KCNH1: variants seen among roughly 807,000 people sequenced by gnomAD.
KCNH1 encodes the protein potassium voltage-gated channel subfamily H member 1.
A neutral mutation model predicts 69.2 loss-of-function variants in KCNH1; 27 were observed. The ratio of observed to expected loss-of-function variants is 0.39; its 90% confidence interval spans 0.29 to 0.54. The LOEUF (loss-of-function observed/expected upper bound fraction) is 0.54, where lower values mean the gene tolerates loss of function less well. KCNH1 is among the 20% of genes least tolerant of loss of function. The pLI is 0.68. For synonymous variants in KCNH1, 456 were observed against 487.7 expected (o/e 0.93, Z 0.86); for missense variants, 798 against 1,261.6 (o/e 0.63, Z 5.57).
intron 5 of KCNH1, among the ~76,000 whole-genome samples, chr1:211,019,941 G>A (rs973710353): frequency 6.6e-6 from 1 of 152,086 alleles, no homozygotes; most frequent in African/African-American, 2.4e-5. Flanking sequence ...ATTTTAAAAT[G>A]TCTTGAAACA....
At chr1:211,014,806 TC>T (rs979910808) in intron 6 of KCNH1, among the ~76,000 whole-genome samples, 11 of 152,012 alleles carry the variant, frequency 7.2e-5, no homozygotes, top group African/African-American at 2.7e-4. Flanking sequence ...CTCTGCACAC[TC>T]CCCCAGAGAA....
intron 7 of KCNH1, among the ~76,000 whole-genome samples, chr1:210,851,856 C>T (rs12069980): frequency 0.099 from 15,134 of 152,180 alleles, 826 homozygotes; most frequent in East Asian, 0.19. Context: ...CCATCCTTTA[C>T]GCGGTTTGTT....
At chr1:210,780,064 G>T (rs991267225) in intron 9 of KCNH1, among the ~76,000 whole-genome samples, 17 of 152,184 alleles carry the variant, frequency 1.1e-4, no homozygotes, top group Non-Finnish European at 2.1e-4. Context: ...AAGGTGGGTG[G>T]GTAGGGTGAA....
intron 6 of KCNH1, among the ~76,000 whole-genome samples, chr1:211,000,014 A>T (rs1689141051): frequency 6.6e-6 from 1 of 152,228 alleles, no homozygotes; most frequent in Admixed American, 6.5e-5. Context: ...GATGTATCTC[A>T]AAATAATAAG....
intron 10 of KCNH1, among the ~76,000 whole-genome samples, chr1:210,708,017 TATA>T (rs1164280251): frequency 6.6e-6 from 1 of 152,144 alleles, no homozygotes; most frequent in Non-Finnish European, 1.5e-5. Context: ...CAAACACAGG[TATA>T]ATAGCATGTC....
chr1:211,016,928 A>C (rs1689503598), intron 6 of KCNH1, among the ~76,000 whole-genome samples: 1 of 147,152 alleles, frequency 6.8e-6, no homozygotes, highest in Non-Finnish European at 1.5e-5. Context: ...AAAAATTTTA[A>C]AATTAAAAAA....
intron 10 of KCNH1, among the ~76,000 whole-genome samples, chr1:210,749,472 A>G (rs2149041675): frequency 6.6e-6 from 1 of 152,290 alleles, no homozygotes; most frequent in South Asian, 2.1e-4. Context: ...TATCATGCCC[A>G]AGTCCTCAGT....
At chr1:211,111,703 C>T (rs1299800173) in intron 1 of KCNH1, among the ~76,000 whole-genome samples, 2 of 142,244 alleles carry the variant, frequency 1.4e-5, no homozygotes, top group Admixed American at 7.0e-5. Context: ...CGCCTCTGCC[C>T]GCCCTCCCCC....
At chr1:210,706,615 G>A (rs1681918688) in intron 10 of KCNH1, among the ~76,000 whole-genome samples, 1 of 152,190 alleles carries the variant, frequency 6.6e-6, no homozygotes, top group Non-Finnish European at 1.5e-5. Flanking sequence ...AGGAAACTGA[G>A]GCCCAGAGAA....
chr1:210,695,324 C>T (rs1246010257), intron 10 of KCNH1, among the ~76,000 whole-genome samples: 1 of 152,164 alleles, frequency 6.6e-6, no homozygotes, highest in Non-Finnish European at 1.5e-5. Context: ...GAGCATTATT[C>T]CCAGTTTACA....
chr1:210,824,208 C>T (rs1684991338), intron 7 of KCNH1, among the ~76,000 whole-genome samples: 1 of 151,964 alleles, frequency 6.6e-6, no homozygotes, highest in African/African-American at 2.4e-5. Flanking sequence ...GGACTCCTTT[C>T]CACTTTTAAG....
intron 6 of KCNH1, among the ~76,000 whole-genome samples, chr1:210,969,096 T>C (rs891227076): frequency 8.5e-5 from 13 of 152,138 alleles, no homozygotes; most frequent in African/African-American, 3.1e-4. Flanking sequence ...TTAAACCACC[T>C]GTATATTCTT....
Position 211,107,130 on chromosome 1 carries a change from A to G in KCNH1, c.203+124T>C, listed in dbSNP as rs370117755. 1.8e-5 allele frequency: 19 copies of G among 1,049,026 alleles called. No homozygotes were observed. The African/African-American group carries it at 2.7e-4, about 15-fold the overall frequency. 65.0% of individuals were successfully genotyped at this position (1,049,026 alleles called of 1,614,324 possible). A position where few individuals can be genotyped will look rare whatever the true frequency, so the allele number is the denominator to read the frequency against. On this transcript the variant is annotated intron_variant, in intron 2 of 10. Coordinates refer to ENST00000271751, the MANE Select transcript of KCNH1 (RefSeq NM_172362.3). ...TACATGAACTAGAGATGATATGGCAATAAATTTTCCTGTGAATACACACTA... is the reference window on the plus strand; with the variant it reads ...TACATGAACTAGAGATGATATGGCAGTAAATTTTCCTGTGAATACACACTA...
intron 10 of KCNH1, among the ~76,000 whole-genome samples, chr1:210,744,040 G>A (rs965663549): frequency 1.3e-5 from 2 of 152,152 alleles, no homozygotes; most frequent in Non-Finnish European, 2.9e-5. Flanking sequence ...CCTGTAAGCA[G>A]CTGGCATCCC....
intron 7 of KCNH1, among the ~76,000 whole-genome samples, chr1:210,836,902 A>G (rs1301611967): frequency 1.3e-5 from 2 of 152,198 alleles, no homozygotes; most frequent in African/African-American, 4.8e-5. Context: ...TTTCTTTTCT[A>G]GACAATTCTA....
chr1:211,014,947 T>G (rs1311998969), intron 6 of KCNH1, among the ~76,000 whole-genome samples: 1 of 152,214 alleles, frequency 6.6e-6, no homozygotes, highest in Non-Finnish European at 1.5e-5. Flanking sequence ...CAGGGGGTTT[T>G]CCCTCAGCCT....
chr1:210,720,106 A>G (rs1264078708), intron 10 of KCNH1, among the ~76,000 whole-genome samples: 1 of 152,218 alleles, frequency 6.6e-6, no homozygotes, highest in African/African-American at 2.4e-5. Context: ...GCCAAACAGG[A>G]CTAGTGAGAC....
At chr1:211,047,226 C>T (rs1230108881) in intron 5 of KCNH1, among the ~76,000 whole-genome samples, 2 of 152,126 alleles carry the variant, frequency 1.3e-5, no homozygotes, top group African/African-American at 2.4e-5. Flanking sequence ...AGGTCTAAAC[C>T]ATGAAGTTAT....
At chr1:211,127,921 T>A (rs1691810065) in intron 1 of KCNH1, among the ~76,000 whole-genome samples, 2 of 152,146 alleles carry the variant, frequency 1.3e-5, no homozygotes, top group African/African-American at 2.4e-5. Context: ...AGCACAAAAC[T>A]GGAAACAATC....
Sources: gnomAD v4.1 joint callset for allele counts (sites outside exome capture counted in the v4.1 genomes callset) on GRCh38, gnomAD v4.1.1 for gene constraint, MANE v1.5 for transcripts, NCBI Gene and HGNC (gene_info 2026-07-23, HGNC 2026-07-21) for gene names.